PTPRN2: variants seen among roughly 807,000 people sequenced by gnomAD.
The protein encoded by PTPRN2 is receptor-type tyrosine-protein phosphatase N2.
PTPRN2 carries 74 observed loss-of-function variants against 118.8 expected under a neutral mutation model. The observed-to-expected ratio is 0.62, with a 90% CI of 0.52 to 0.76. PTPRN2 has a LOEUF of 0.76. Among genes scored for constraint, PTPRN2 ranks in the 30% least tolerant of loss-of-function variants. The pLI, the probability that PTPRN2 is intolerant of heterozygous loss-of-function variation, is 0.00. For missense variants in PTPRN2, 1,481 were observed against 1,394.4 expected (o/e 1.06, Z -0.99); for synonymous variants, 641 against 608.0 (o/e 1.05, Z -0.80).
chr7:158,526,016 C>A lies in PTPRN2; in HGVS notation c.113-36231G>T, dbSNP rs150675950. On this transcript the variant is annotated intron_variant, in intron 1 of 22. Coordinates refer to ENST00000389418, the MANE Select transcript of PTPRN2 (RefSeq NM_002847.5). The surrounding 1 kb of genome is among the most constrained non-coding windows in gnomAD (Gnocchi z 5.2). ...GCAGACCTGCAGACCTGCAGCCCAG[C>A]CCCTACTCTCCCCTCTGGCTGGCAT... is the stretch of plus-strand genomic sequence containing the variant. 6.4e-4 allele frequency among the ~76,000 whole-genome samples: 97 copies of A among 152,324 alleles called. 2 individuals carry two copies. The East Asian group carries it at 0.018, about 28-fold the overall frequency.
At chr7:157,634,164 G>A (rs746883322) in intron 14 of PTPRN2, among the ~76,000 whole-genome samples, 5 of 152,158 alleles carry the variant, frequency 3.3e-5, no homozygotes, top group Non-Finnish European at 7.3e-5. Context: ...TCTTTAGCTT[G>A]CAAAATATTT....
chr7:158,071,634 G>A lies in PTPRN2; in HGVS notation c.1723+9664C>T, dbSNP rs1370253486. On this transcript the variant is annotated intron_variant, in intron 11 of 22. Transcript: ENST00000389418. Reference sequence around the variant, plus strand: ...GCTCGTGGTGGAGGTGCTCGTGGTGGTGGAGATGCTCGTGGTGATGGAGGT... The same window carrying A: ...GCTCGTGGTGGAGGTGCTCGTGGTGATGGAGATGCTCGTGGTGATGGAGGT... Among the ~76,000 whole-genome samples, 31 of 136,670 alleles carry A rather than the reference G, an allele frequency of 2.3e-4. 1 individual carries two copies. Among genetic ancestry groups the A allele is most frequent in the African/African-American group, 3.8e-4 (14 of 36,934 alleles). The allele number at this position is 136,670 out of a possible 152,430, so 89.7% of individuals were successfully genotyped here.
intron 2 of PTPRN2, among the ~76,000 whole-genome samples, chr7:158,409,562 C>T (rs1323168201): frequency 6.6e-6 from 1 of 152,152 alleles, no homozygotes; most frequent in Non-Finnish European, 1.5e-5. Flanking sequence ...TGAAAAGGAC[C>T]GTGGTTAAAG....
chr7:158,431,661 C>T (rs1179837317), intron 2 of PTPRN2, among the ~76,000 whole-genome samples: 1 of 149,078 alleles, frequency 6.7e-6, no homozygotes, highest in Non-Finnish European at 1.5e-5. Context: ...ATCGAGCACA[C>T]ACTGGCTCAC....
At chr7:157,793,386 C>A (rs1478271793) in intron 12 of PTPRN2, among the ~76,000 whole-genome samples, 3 of 151,588 alleles carry the variant, frequency 2.0e-5, no homozygotes, top group Admixed American at 2.0e-4. Context: ...CCCCTGTGTA[C>A]CCTGTGAGTA....
chr7:157,579,456 C>G (rs1326567976), intron 17 of PTPRN2, among the ~76,000 whole-genome samples: 1 of 152,192 alleles, frequency 6.6e-6, no homozygotes, highest in Non-Finnish European at 1.5e-5. Context: ...ATTTAATGTG[C>G]CTTCAGAAGG....
chr7:158,318,041 C>A (rs1270031164), intron 2 of PTPRN2, among the ~76,000 whole-genome samples: 1 of 152,176 alleles, frequency 6.6e-6, no homozygotes, highest in Non-Finnish European at 1.5e-5. Flanking sequence ...CGCGCCGTTT[C>A]CCTCCGTGCA....
At chr7:158,328,360 T>C (rs1803824342) in intron 2 of PTPRN2, among the ~76,000 whole-genome samples, 2 of 152,222 alleles carry the variant, frequency 1.3e-5, no homozygotes, top group Non-Finnish European at 2.9e-5. Context: ...GCTTAGTTCG[T>C]AATGAAACCT....
At chr7:158,150,061 CAG>C (rs1279516399) in intron 6 of PTPRN2, among the ~76,000 whole-genome samples, 4 of 152,116 alleles carry the variant, frequency 2.6e-5, no homozygotes, top group Non-Finnish European at 4.4e-5. Flanking sequence ...GATAAGAAAA[CAG>C]AGTCATCTGA....
intron 2 of PTPRN2, among the ~76,000 whole-genome samples, chr7:158,422,757 T>A (rs1462532067): frequency 6.6e-6 from 1 of 151,438 alleles, no homozygotes; most frequent in East Asian, 1.9e-4. Context: ...GGGGCCACCA[T>A]TGGGATGTGG....
intron 2 of PTPRN2, among the ~76,000 whole-genome samples, chr7:158,343,298 G>T (rs1004482086): frequency 3.9e-5 from 6 of 152,166 alleles, no homozygotes; most frequent in African/African-American, 1.4e-4. Flanking sequence ...CACAGGGAAG[G>T]CGCCCAGCAT....
chr7:158,490,401 AGC>A (rs1821361246), intron 1 of PTPRN2, among the ~76,000 whole-genome samples: 1 of 152,208 alleles, frequency 6.6e-6, no homozygotes, highest in Non-Finnish European at 1.5e-5. Flanking sequence ...GGGCAGAGGC[AGC>A]GCCTCAGTCC....
At chr7:158,226,269 G>A (rs572104714) in intron 3 of PTPRN2, among the ~76,000 whole-genome samples, 49 of 152,232 alleles carry the variant, frequency 3.2e-4, no homozygotes, top group Middle Eastern at 3.4e-3. Flanking sequence ...GAGAACACTA[G>A]TGTGGATAGT....
rs185137754 is a variant in PTPRN2, at chr7:158,252,957, G to A, written c.278-47684C>T. Among the ~76,000 whole-genome samples, 390 of 152,232 alleles carry A rather than the reference G, an allele frequency of 2.6e-3. 5 individuals are homozygous for A. The highest frequency in any genetic ancestry group is 9.0e-3 in the African/African-American group (374 of 41,546). On this transcript the variant is annotated intron_variant, in intron 3 of 22. Transcript: ENST00000389418. ...CCTCACCCTTGGGCTGGCGGAGTGA[G>A]AGTCCCTGTGGCCCGAGGTTCCTCC...
At chr7:158,233,085 G>T (rs1443263390) in intron 3 of PTPRN2, among the ~76,000 whole-genome samples, 1 of 152,070 alleles carries the variant, frequency 6.6e-6, no homozygotes, top group Non-Finnish European at 1.5e-5. Context: ...CAGCAATTAG[G>T]CAAGAGAAAG....
At chr7:158,052,652 G>A (rs1201431622) in intron 11 of PTPRN2, among the ~76,000 whole-genome samples, 2 of 151,288 alleles carry the variant, frequency 1.3e-5, no homozygotes, top group African/African-American at 2.4e-5. Flanking sequence ...GGTGCCCTTC[G>A]GACCTCCTGG....
In PTPRN2 at chr7:157,801,406, A is replaced by C. The variant is rs1805293056; in HGVS notation, c.1788+97267T>G. ...TTATTTATTCACGGAGAGGCTCTGC[A>C]TCACGAGAGTGCTGCGTTAACCCAG... On this transcript the variant is annotated intron_variant, in intron 12 of 22. Coordinates refer to ENST00000389418, the MANE Select transcript of PTPRN2 (RefSeq NM_002847.5). The surrounding 1 kb of genome is among the most constrained non-coding windows in gnomAD (Gnocchi z 4.2). 6.6e-6 allele frequency among the ~76,000 whole-genome samples: 1 copy of C among 152,128 alleles called. No individual in the cohort carries two copies. Among genetic ancestry groups the C allele is most frequent in the Non-Finnish European group, 1.5e-5 (1 of 68,040 alleles).
At chr7:158,494,141 G>A (rs1031820663) in intron 1 of PTPRN2, among the ~76,000 whole-genome samples, 1 of 152,198 alleles carries the variant, frequency 6.6e-6, no homozygotes, top group East Asian at 1.9e-4. Flanking sequence ...TGTTCATTGT[G>A]GAAATACAGT....
At chr7:158,501,384 G>A (rs1465128846) in intron 1 of PTPRN2, among the ~76,000 whole-genome samples, 1 of 152,176 alleles carries the variant, frequency 6.6e-6, no homozygotes, top group East Asian at 1.9e-4. Flanking sequence ...CCCAGTTCAG[G>A]AGGCCCCAGT....
Sources: gnomAD v4.1 joint callset for allele counts (sites outside exome capture counted in the v4.1 genomes callset) on GRCh38, gnomAD v4.1.1 for gene constraint, Gnocchi (gnomAD v3.1) non-coding constraint, MANE v1.5 for transcripts, NCBI Gene and HGNC (gene_info 2026-07-23, HGNC 2026-07-21) for gene names.